Variants in ACADM observed in about 807,000 individuals in gnomAD.
ACADM encodes the protein acyl-CoA dehydrogenase medium chain.
In ACADM, 49 loss-of-function variants were observed where a neutral mutation model predicts 58.9. The ratio of observed to expected loss-of-function variants is 0.83; its 90% CI spans 0.66 to 1.06. The LOEUF is 1.06. Among genes scored for constraint, ACADM ranks in the 50% least tolerant of loss-of-function variants. The probability of loss-of-function intolerance (pLI) is 0.00; values close to 1 mark genes in which losing one functional copy is unlikely to be tolerated. For missense variants in ACADM, 496 were observed against 507.0 expected, an observed-to-expected ratio of 0.98 and a Z score of 0.21; for synonymous variants, 160 against 157.7, an observed-to-expected ratio of 1.01 and a Z score of -0.11.
At chr1:75,750,308 G>T (rs1025372553) in intron 9 of ACADM, 143 bp from the exon 10 acceptor site, 2 of 704,280 alleles carry the variant, frequency 2.8e-6, no homozygotes, top group Non-Finnish European at 5.1e-6. Flanking sequence ...ATAAACTTAC[G>T]TGCCTATTCC....
chr1:75,734,499 C>G (rs544532928), intron 5 of ACADM: 4 of 368,912 alleles, frequency 1.1e-5, no homozygotes, highest in African/African-American at 6.3e-5. Flanking sequence ...TAGGCCTGAT[C>G]ATACATACTG....
chr1:75,724,943 C>A, intron 1 of ACADM, 126 bp downstream of exon 1: 1 of 973,158 alleles, frequency 1.0e-6, no homozygotes, highest in South Asian at 3.4e-5. Context: ...AAGGAGCCAG[C>A]CTAGGGGCCC....
intron 5 of ACADM, among the ~76,000 whole-genome samples, chr1:75,733,900 T>G (rs1487241671): frequency 6.6e-6 from 1 of 152,204 alleles, no homozygotes; most frequent in Admixed American, 6.5e-5. Context: ...GGCTGCAGCT[T>G]CAGTGGCAAT....
intron 4 of ACADM, chr1:75,733,285 A>G (rs1359652811): frequency 7.6e-7 from 1 of 1,322,336 alleles, no homozygotes; most frequent in East Asian, 2.5e-5. Context: ...AGTTTTAACA[A>G]AATCAAGTTA....
chr1:75,730,756 G>GCCA (rs1471961252), intron 2 of ACADM, among the ~76,000 whole-genome samples: 1 of 151,814 alleles, frequency 6.6e-6, no homozygotes, highest in African/African-American at 2.4e-5. Flanking sequence ...CAAACTCCTG[G>GCCA]CCTCAAATGG....
chr1:75,725,050 C>T (rs1027822188), intron 1 of ACADM, among the ~76,000 whole-genome samples: 3 of 152,240 alleles, frequency 2.0e-5, no homozygotes, highest in African/African-American at 7.2e-5. Flanking sequence ...TAGCCGGCAT[C>T]CTCTCTTTAG....
intron 11 of ACADM, among the ~76,000 whole-genome samples, chr1:75,762,204 T>G (rs1267774998): frequency 1.3e-5 from 2 of 152,070 alleles, no homozygotes; most frequent in African/African-American, 4.8e-5. Flanking sequence ...AACGAATGGC[T>G]AAAGTTAGAA....
rs565533597 is a variant in ACADM at position 75,744,746 on chromosome 1, C to A, written c.600-1060C>A. On this transcript the variant is annotated intron_variant, in intron 7 of 11. Transcript: ENST00000370841. ...AAGGCAGAGAGCGAGTGGCTGAACG[C>A]CCGGGACACAGTGGGACCGGGACAG... 4.1e-6 allele frequency: 3 copies of A among 726,402 alleles called. No homozygotes were observed. In the East Asian group the frequency reaches 7.7e-5, roughly 19 times the overall value. 45.0% of individuals were successfully genotyped at this position (726,402 alleles called of 1,614,324 possible). A position where few individuals can be genotyped will look rare whatever the true frequency, so the allele number is the denominator to read the frequency against.
intron 6 of ACADM, 39 bp from the exon 7 acceptor site, chr1:75,739,941 A>G (rs754066131): frequency 6.7e-7 from 1 of 1,493,190 alleles, no homozygotes; most frequent in South Asian, 1.3e-5. Flanking sequence ...TTTAATCACT[A>G]ACATTTAATT....
chr1:75,748,194 T>TA (rs1041679381), intron 8 of ACADM, among the ~76,000 whole-genome samples: 10 of 152,066 alleles, frequency 6.6e-5, no homozygotes, highest in Non-Finnish European at 1.0e-4. Context: ...GAAAGAGAAA[T>TA]AAAAAATAAA....
At chr1:75,725,709 T>C (rs1396572692) in intron 1 of ACADM, among the ~76,000 whole-genome samples, 5 of 152,272 alleles carry the variant, frequency 3.3e-5, no homozygotes, top group African/African-American at 1.2e-4. Flanking sequence ...GCTGTTTCGA[T>C]ATTTGGAATT....
chr1:75,737,769 A>G (rs1243908235), intron 6 of ACADM, among the ~76,000 whole-genome samples: 2 of 151,396 alleles, frequency 1.3e-5, no homozygotes, highest in Non-Finnish European at 2.9e-5. Context: ...TTTGGATTAC[A>G]TAATGCTTAA....
At chr1:75,729,232 G>T (rs1318925981) in intron 2 of ACADM, among the ~76,000 whole-genome samples, 3 of 134,404 alleles carry the variant, frequency 2.2e-5, no homozygotes, top group African/African-American at 5.6e-5. Flanking sequence ...CTTTATAAAG[G>T]TTTTTTTTTT....
At chr1:75,760,733 GA>G (rs1201674259) in intron 10 of ACADM, among the ~76,000 whole-genome samples, 1 of 151,976 alleles carries the variant, frequency 6.6e-6, no homozygotes, top group Non-Finnish European at 1.5e-5. Context: ...TATAATGGTG[GA>G]AAAAGAACAT....
intron 10 of ACADM, among the ~76,000 whole-genome samples, chr1:75,756,139 C>T (rs1263137372): frequency 6.6e-6 from 1 of 152,180 alleles, no homozygotes; most frequent in African/African-American, 2.4e-5. Flanking sequence ...GAAGAATTCC[C>T]TTTGAAAACT....
At chr1:75,733,483 G>C (rs1647186582) in intron 4 of ACADM, 45 bp from the exon 5 acceptor site, 1 of 1,498,182 alleles carries the variant, frequency 6.7e-7, no homozygotes, top group Non-Finnish European at 9.3e-7. Context: ...TTTCTATTGT[G>C]ATGTACTACA....
chr1:75,739,405 A>C (rs771603143), intron 6 of ACADM, among the ~76,000 whole-genome samples: 9 of 152,260 alleles, frequency 5.9e-5, no homozygotes, highest in Non-Finnish European at 1.2e-4. Context: ...GAATGAATAC[A>C]TGTGAAATTG....
rs200724875 is a variant in ACADM, at chr1:75,745,823, G to T, written c.617G>T (p.Arg206Leu). 1.9e-6 allele frequency: 3 copies of T among 1,613,462 alleles called. No homozygotes were observed. In the African/African-American group the frequency reaches 4.0e-5, roughly 22 times the overall value. Residue 206 changes from arginine to leucine, a missense_variant, in exon 8 of 12, where the codon CGT becomes CTT. Arg to Leu is a moderately radical substitution (Grantham distance 102). Transcript: ENST00000370841. Reference sequence around the variant, plus strand: ...TCTCTTAGGTATTTTTTATTGGCACGTTCTGATCCAGATCCTAAAGCTCCT... The same window carrying T: ...TCTCTTAGGTATTTTTTATTGGCACTTTCTGATCCAGATCCTAAAGCTCCT... ...GKANWYFLLA[R>L]SDPDPKAPAN...
At chr1:75,755,295 C>G (rs1212560487) in intron 10 of ACADM, among the ~76,000 whole-genome samples, 1 of 152,218 alleles carries the variant, frequency 6.6e-6, no homozygotes, top group African/African-American at 2.4e-5. Flanking sequence ...GATCTGAGAA[C>G]AGACAGACTG....
Sources: gnomAD v4.1 joint callset for allele counts (sites outside exome capture counted in the v4.1 genomes callset) on GRCh38, gnomAD v4.1.1 for gene constraint, MANE v1.5 for transcripts, NCBI Gene and HGNC (gene_info 2026-07-23, HGNC 2026-07-21) for gene names.